The following CNTNAP2 variants were observed in gnomAD, a reference collection of about 807,000 sequenced individuals.
CNTNAP2 encodes contactin-associated protein-like 2.
CNTNAP2 carries 98 observed loss-of-function variants against 155.2 expected under a neutral mutation model. The observed-to-expected ratio is 0.63, with a 90% confidence interval of 0.54 to 0.75. The LOEUF (loss-of-function observed/expected upper bound fraction) is 0.75. Ranked by LOEUF, CNTNAP2 falls within the 30% of genes least tolerant of loss-of-function variation. The pLI is 0.00. For missense variants in CNTNAP2, 1,727 were observed against 1,688.1 expected (o/e 1.02, Z -0.40); for synonymous variants, 651 against 631.2 (o/e 1.03, Z -0.47).
chr7:146,934,048 C>G (rs1796851264), intron 3 of CNTNAP2, among the ~76,000 whole-genome samples: 1 of 152,100 alleles, frequency 6.6e-6, no homozygotes, highest in Non-Finnish European at 1.5e-5. Flanking sequence ...CCTCAGGGAT[C>G]TAGAACTAGA....
At chr7:148,106,985 A>G (rs1804237949) in intron 15 of CNTNAP2, among the ~76,000 whole-genome samples, 1 of 152,140 alleles carries the variant, frequency 6.6e-6, no homozygotes, top group Non-Finnish European at 1.5e-5. Flanking sequence ...AGGATTACTC[A>G]GGCATAAATA....
At chr7:147,549,782 A>G (rs1354996456) in intron 11 of CNTNAP2, among the ~76,000 whole-genome samples, 1 of 152,246 alleles carries the variant, frequency 6.6e-6, no homozygotes, top group Non-Finnish European at 1.5e-5. Flanking sequence ...TAATCTACAT[A>G]GAGGAGTTAA....
At chr7:147,952,121 A>G (rs1429004161) in intron 14 of CNTNAP2, among the ~76,000 whole-genome samples, 1 of 151,830 alleles carries the variant, frequency 6.6e-6, no homozygotes, top group Non-Finnish European at 1.5e-5. Context: ...GCATGTTTAT[A>G]TCTTAATTAA....
intron 1 of CNTNAP2, among the ~76,000 whole-genome samples, chr7:146,148,140 T>C (rs1797982551): frequency 6.6e-6 from 1 of 152,120 alleles, no homozygotes; most frequent in Non-Finnish European, 1.5e-5. Context: ...ACAATGATGT[T>C]CTTTTATTTT....
intron 8 of CNTNAP2, among the ~76,000 whole-genome samples, chr7:147,138,362 A>G (rs1801530495): frequency 6.6e-6 from 1 of 151,954 alleles, no homozygotes; most frequent in Non-Finnish European, 1.5e-5. Flanking sequence ...TAGAAATAAG[A>G]TACCCTTGGA....
chr7:147,596,126 T>A (rs1006673329), intron 12 of CNTNAP2, among the ~76,000 whole-genome samples: 1 of 152,144 alleles, frequency 6.6e-6, no homozygotes, highest in South Asian at 2.1e-4. Flanking sequence ...CCAATCTGAC[T>A]TGTTAAAAAT....
intron 9 of CNTNAP2, among the ~76,000 whole-genome samples, chr7:147,357,814 G>A (rs549794216): frequency 1.9e-4 from 29 of 151,992 alleles, no homozygotes; most frequent in Non-Finnish European, 3.7e-4. Flanking sequence ...TCTAAAGTCA[G>A]AACAGTGGGA....
intron 15 of CNTNAP2, among the ~76,000 whole-genome samples, chr7:148,021,831 G>A (rs1802283974): frequency 6.6e-6 from 1 of 152,202 alleles, no homozygotes; most frequent in South Asian, 2.1e-4. Flanking sequence ...CTCCAAAGCT[G>A]TACCGAGTCA....
intron 1 of CNTNAP2, among the ~76,000 whole-genome samples, chr7:146,684,250 A>T (rs1368821228): frequency 6.6e-6 from 1 of 152,180 alleles, no homozygotes; most frequent in African/African-American, 2.4e-5. Context: ...AGATGAGTTC[A>T]CAAACCAGCT....
At chr7:148,067,335 C>T (rs1471721622) in intron 15 of CNTNAP2, among the ~76,000 whole-genome samples, 6 of 152,160 alleles carry the variant, frequency 3.9e-5, no homozygotes, top group Non-Finnish European at 8.8e-5. Flanking sequence ...GGATGGGGCT[C>T]ACTGAGAGCT....
intron 1 of CNTNAP2, among the ~76,000 whole-genome samples, chr7:146,770,028 AGG>A (rs1802264862): frequency 1.3e-5 from 2 of 152,274 alleles, no homozygotes; most frequent in South Asian, 4.2e-4. Flanking sequence ...TGACATATTC[AGG>A]GTCACACGTT....
chr7:148,012,586 T>C (rs1802100225), intron 15 of CNTNAP2, among the ~76,000 whole-genome samples: 1 of 152,204 alleles, frequency 6.6e-6, no homozygotes, highest in Admixed American at 6.5e-5. Context: ...AAAAAATTGT[T>C]TTTTAAGAGT....
chr7:148,305,717 C>G (rs539923226), intron 21 of CNTNAP2, among the ~76,000 whole-genome samples: 2 of 152,156 alleles, frequency 1.3e-5, no homozygotes, highest in African/African-American at 4.8e-5. Flanking sequence ...CTCTTGAGAA[C>G]CCACTCACAC....
At chr7:147,993,115 G>C (rs1801744831) in intron 15 of CNTNAP2, among the ~76,000 whole-genome samples, 1 of 152,182 alleles carries the variant, frequency 6.6e-6, no homozygotes, top group Non-Finnish European at 1.5e-5. Flanking sequence ...ATTGCTATGA[G>C]AGAACCCCGT....
chr7:147,976,411 A>C (rs2116862991), intron 14 of CNTNAP2, among the ~76,000 whole-genome samples: 1 of 152,152 alleles, frequency 6.6e-6, no homozygotes. Context: ...ACTTCTAATA[A>C]AAGAGGGTGG....
intron 1 of CNTNAP2, among the ~76,000 whole-genome samples, chr7:146,758,807 G>A (rs186444327): frequency 2.0e-4 from 31 of 152,194 alleles, no homozygotes; most frequent in African/African-American, 5.8e-4. Context: ...TCATATCACC[G>A]CCTACACCTG....
chr7:147,536,180 T>A (rs2116734401), intron 11 of CNTNAP2, among the ~76,000 whole-genome samples: 1 of 152,358 alleles, frequency 6.6e-6, no homozygotes, highest in South Asian at 2.1e-4. Flanking sequence ...CCCAGCATTT[T>A]AAAATCAATT....
At chr7:147,972,795 C>A (rs55651419) in intron 14 of CNTNAP2, among the ~76,000 whole-genome samples, 54,917 of 148,990 alleles carry the variant, frequency 0.37, 12,038 homozygotes, top group Middle Eastern at 0.64. Context: ...CTGTAAGGAT[C>A]GTAACTTTCA....
At chr7:147,100,880 CG>C (rs1267198357) in intron 4 of CNTNAP2, among the ~76,000 whole-genome samples, 1 of 152,058 alleles carries the variant, frequency 6.6e-6, no homozygotes, top group Non-Finnish European at 1.5e-5. Context: ...GGAAAAATCA[CG>C]CCCAAAAGAA....
Sources: allele counts gnomAD v4.1 joint callset (sites outside exome capture counted in the v4.1 genomes callset), GRCh38; gene constraint gnomAD v4.1.1; transcripts MANE v1.5; gene names NCBI Gene and HGNC (gene_info 2026-07-23, HGNC 2026-07-21).